The following LRRK1 variants were observed in gnomAD, a reference collection of about 807,000 sequenced individuals.
LRRK1 encodes the protein leucine rich repeat kinase 1.
A neutral mutation model predicts 209.1 loss-of-function variants in LRRK1; 113 were observed. That is an observed-to-expected ratio of 0.54 (90% CI 0.46 to 0.63). The LOEUF is 0.63. Among genes scored for constraint, LRRK1 ranks in the 30% least tolerant of loss-of-function variants. LRRK1 has a pLI of 0.00. For missense variants in LRRK1, 2,284 were observed against 2,632.2 expected (o/e 0.87, Z 2.89); for synonymous variants, 1,144 against 1,099.7 (o/e 1.04, Z -0.80).
At chr15:100,950,913 C>T (rs544018917) in intron 2 of LRRK1, among the ~76,000 whole-genome samples, 120 of 152,172 alleles carry the variant, frequency 7.9e-4, no homozygotes, top group Non-Finnish European at 1.4e-3. Flanking sequence ...ACCATCCTGG[C>T]TAACACGGTG....
At chr15:100,989,891 A>T (rs2032065042) in intron 6 of LRRK1, among the ~76,000 whole-genome samples, 1 of 152,080 alleles carries the variant, frequency 6.6e-6, no homozygotes, top group Admixed American at 6.5e-5. Flanking sequence ...TTTTTTCAAA[A>T]ATTGGTTAAA....
At chr15:100,969,048 C>A (rs1275247035) in intron 2 of LRRK1, among the ~76,000 whole-genome samples, 1 of 152,116 alleles carries the variant, frequency 6.6e-6, no homozygotes, top group African/African-American at 2.4e-5. Context: ...ACTTGTTTCC[C>A]AGACTGGTCT....
chr15:100,962,438 A>T (rs540102855), intron 2 of LRRK1, among the ~76,000 whole-genome samples: 1 of 152,150 alleles, frequency 6.6e-6, no homozygotes, highest in East Asian at 1.9e-4. Context: ...ACTGAAGCAT[A>T]ATAATTTCTT....
In LRRK1 at chr15:100,934,140, A is replaced by G. The variant is rs144364252; in HGVS notation, c.97+9411A>G. Reference sequence around the variant, plus strand: ...TTTACAGTGAATTCCAGACAAATCAATAATTATATGATTCAAAGCATTATT... The same window carrying G: ...TTTACAGTGAATTCCAGACAAATCAGTAATTATATGATTCAAAGCATTATT... On this transcript the variant is annotated intron_variant, in intron 2 of 33. Transcript: ENST00000388948. Among the ~76,000 whole-genome samples, 37 of 152,336 alleles carry G rather than the reference A, an allele frequency of 2.4e-4. 1 individual carries two copies. The highest frequency in any genetic ancestry group is 4.7e-4 in the Non-Finnish European group (32 of 68,028).
intron 2 of LRRK1, among the ~76,000 whole-genome samples, chr15:100,926,309 A>G (rs2042108354): frequency 6.6e-6 from 1 of 151,986 alleles, no homozygotes; most frequent in African/African-American, 2.4e-5. Flanking sequence ...TGGGGGTAGC[A>G]CCTCCACCTT....
At position 101,027,208 on chromosome 15, in the gene LRRK1, G is replaced by A; in HGVS notation, c.2406-53G>A. 1.2e-6 allele frequency: 2 copies of A among 1,602,068 alleles called. No individual in the cohort carries two copies. Among genetic ancestry groups the A allele is most frequent in the Non-Finnish European group, 1.7e-6 (2 of 1,172,874 alleles). On this transcript the variant is annotated intron_variant, in intron 17 of 33. Transcript: ENST00000388948. The surrounding 1 kb of genome is among the most constrained non-coding windows in gnomAD (Gnocchi z 5.1). ...CTCTCAGGGAAACAGAGAAGCAGCA[G>A]CGCTTCCTCGGAGTGGGGCATGATG...
chr15:100,930,496 C>T (rs999034030), intron 2 of LRRK1, among the ~76,000 whole-genome samples: 2 of 152,200 alleles, frequency 1.3e-5, no homozygotes, highest in Non-Finnish European at 2.9e-5. Context: ...TGGTAGCTCA[C>T]CAGAGCCCCA....
At chr15:100,941,400 C>T (rs1378912447) in intron 2 of LRRK1, among the ~76,000 whole-genome samples, 1 of 81,720 alleles carries the variant, frequency 1.2e-5, no homozygotes, top group Non-Finnish European at 2.3e-5. Context: ...CTGTGTGTGT[C>T]TGTGTGTGTC....
chr15:101,027,197 G>A lies in LRRK1; in HGVS notation c.2406-64G>A. ...TCAGGACAAACCTCTCAGGGAAACA[G>A]AGAAGCAGCAGCGCTTCCTCGGAGT... On this transcript the variant is annotated intron_variant, in intron 17 of 33. Coordinates refer to ENST00000388948, the MANE Select transcript of LRRK1 (RefSeq NM_024652.6). This position sits in a 1 kb window ranked among gnomAD's most constrained non-coding sequence, Gnocchi z 5.1. 1 of 1,593,126 alleles carries A rather than the reference G, an allele frequency of 6.3e-7. No homozygotes were observed. The highest frequency in any genetic ancestry group is 8.6e-7 in the Non-Finnish European group (1 of 1,168,500).
rs539819092 is a variant in LRRK1, at chr15:100,940,094, G to A, written c.97+15365G>A. ...TCCTGCCCCGGATGCACGATGCACT[G>A]TTTCTCCAAGAATCCCTGTGTCCTT... On this transcript the variant is annotated intron_variant, in intron 2 of 33. Transcript: ENST00000388948. Among the ~76,000 whole-genome samples the A allele has an allele frequency of 6.8e-4, 104 of 152,272 alleles. 2 individuals are homozygous for A. In the South Asian group the frequency reaches 0.021, roughly 31 times the overall value.
rs1008076691 is a variant in LRRK1, at chr15:100,964,900, G to GA, written c.98-8896dup. On this transcript the variant is annotated intron_variant, in intron 2 of 33. Transcript: ENST00000388948. ...TTCTCTATTTTCCTAGATTTGTAGG[G>GA]AAAAAAAACAGTACAAAGAGAATTT... Among the ~76,000 whole-genome samples the GA allele has an allele frequency of 1.1e-4, 16 of 151,670 alleles. No homozygotes were observed. In the South Asian group the frequency reaches 1.9e-3, roughly 18 times the overall value.
chr15:100,937,321 A>T (rs566291624), intron 2 of LRRK1, among the ~76,000 whole-genome samples: 1 of 152,210 alleles, frequency 6.6e-6, no homozygotes, highest in Admixed American at 6.5e-5. Flanking sequence ...CCCCCTACCC[A>T]AACTTACTAC....
chr15:100,950,218 A>T (rs2042618696), intron 2 of LRRK1, among the ~76,000 whole-genome samples: 1 of 113,878 alleles, frequency 8.8e-6, no homozygotes, highest in Non-Finnish European at 1.8e-5. Context: ...CAATCTGAAA[A>T]TTTAATTAAG....
intron 2 of LRRK1, among the ~76,000 whole-genome samples, chr15:100,968,484 C>T (rs2030618187): frequency 1.3e-5 from 2 of 152,152 alleles, no homozygotes; most frequent in African/African-American, 4.8e-5. Flanking sequence ...TGCTCCATGT[C>T]CTCACCAAGT....
chr15:100,941,278 C>CTT (rs2042400344), intron 2 of LRRK1, among the ~76,000 whole-genome samples: 5 of 22,152 alleles, frequency 2.3e-4, no homozygotes, highest in Non-Finnish European at 3.5e-4. Flanking sequence ...CTGTGTGTGT[C>CTT]CGTGTGTGTG....
In LRRK1 at chr15:101,065,513, A is replaced by G. The variant is rs761013717; in HGVS notation, c.5076A>G (p.Pro1692=). Residue 1692 remains proline, a synonymous_variant, in exon 32 of 34, where the codon CCA becomes CCG. Transcript: ENST00000388948. ...AAGACGCACGGCAGAACCCCTACCC[A>G]GTGAAGGCCATGGAGGTGGTCAACA... ...ADEDARQNPY[P]VKAMEVVNSG... 31 of 1,614,062 alleles carry G rather than the reference A, an allele frequency of 1.9e-5. No individual in the cohort carries two copies. Among genetic ancestry groups the G allele is most frequent in the Non-Finnish European group, 2.6e-5 (31 of 1,180,040 alleles).
intron 21 of LRRK1, 114 bp from the exon 22 acceptor site, chr15:101,048,380 G>A: frequency 2.3e-6 from 2 of 883,338 alleles, no homozygotes; most frequent in Non-Finnish European, 3.4e-6. Context: ...GGAGAGGGTG[G>A]GAAAGATGGG....
rs1429241486 is a variant in LRRK1, at chr15:101,021,262, A to G, written c.1739+80A>G. The stretch of plus-strand genomic sequence containing the variant: ...CGCCCATCCCTAAACCAACTGGGAC[A>G]CAGAAAGCCAGGCAGAAAGAAGCCA... On this transcript the variant is annotated intron_variant, in intron 13 of 33. Transcript: ENST00000388948. 10 of 1,488,854 alleles carry G rather than the reference A, an allele frequency of 6.7e-6. No homozygotes were observed. The Admixed American group carries it at 1.9e-4, about 29-fold the overall frequency. 92.2% of individuals were successfully genotyped at this position (1,488,854 alleles called of 1,614,324 possible).
At chr15:101,067,603 C>A (rs563929731) in intron 33 of LRRK1, among the ~76,000 whole-genome samples, 9 of 152,314 alleles carry the variant, frequency 5.9e-5, no homozygotes, top group African/African-American at 2.2e-4. Flanking sequence ...TCTCCCAAAG[C>A]AGGACAATGA....
Sources: gnomAD v4.1 joint callset for allele counts (sites outside exome capture counted in the v4.1 genomes callset) on GRCh38, gnomAD v4.1.1 for gene constraint, Gnocchi (gnomAD v3.1) non-coding constraint, MANE v1.5 for transcripts, NCBI Gene and HGNC (gene_info 2026-07-23, HGNC 2026-07-21) for gene names.